PRKCE: variants seen among roughly 807,000 people sequenced by gnomAD.
The protein encoded by PRKCE is protein kinase C epsilon, also known as protein kinase C epsilon type.
In PRKCE, 16 loss-of-function variants were observed where a neutral mutation model predicts 85.4. The ratio of observed to expected loss-of-function variants is 0.19; its 90% CI spans 0.13 to 0.28. PRKCE has a LOEUF of 0.28. Among genes scored for constraint, PRKCE ranks in the 10% least tolerant of loss-of-function variants. The pLI is 1.00. For missense variants in PRKCE, 573 were observed against 975.2 expected (o/e 0.59, Z 5.49); for synonymous variants, 388 against 371.5 (o/e 1.04, Z -0.51).
chr2:45,668,147 C>G (rs1276682795), intron 1 of PRKCE, among the ~76,000 whole-genome samples: 1 of 152,130 alleles, frequency 6.6e-6, no homozygotes, highest in Non-Finnish European at 1.5e-5. Flanking sequence ...TCGAGACCAG[C>G]CTGGCCAACA....
At chr2:45,991,558 G>C (rs1392923417) in intron 6 of PRKCE, among the ~76,000 whole-genome samples, 2 of 152,186 alleles carry the variant, frequency 1.3e-5, no homozygotes, top group Admixed American at 1.3e-4. Context: ...CCACATTGTG[G>C]ATGTTCCGTA....
In PRKCE at chr2:45,958,812, ATATATTTTTTTTTTTTTTTTTT is replaced by A. The variant is rs1266360252; in HGVS notation, c.413-17615_413-17594del. Among the ~76,000 whole-genome samples the A allele has an allele frequency of 8.6e-3, 230 of 26,794 alleles. 11 individuals carry two copies. The East Asian group carries it at 0.092, about 11-fold the overall frequency. The allele number at this position is 26,794 out of a possible 152,430, so 17.6% of individuals were successfully genotyped here. A position where few individuals can be genotyped will look rare whatever the true frequency, so the allele number is the denominator to read the frequency against. On this transcript the variant is annotated intron_variant, in intron 2 of 14. Coordinates refer to ENST00000306156, the MANE Select transcript of PRKCE (RefSeq NM_005400.3). ...AAAACATATATATATATATATATAT[ATATATTTTTTTTTTTTTTTTTT>A]TTTTTTTTTTTTTTTTTTTTTAATA...
At chr2:45,757,179 A>G (rs6715531) in intron 1 of PRKCE, among the ~76,000 whole-genome samples, 42,339 of 151,634 alleles carry the variant, frequency 0.28, 7,051 homozygotes, top group East Asian at 0.5. Flanking sequence ...CAGGTGGTGC[A>G]TGCCTGTAAT....
chr2:45,937,393 A>G (rs531127493), intron 2 of PRKCE, among the ~76,000 whole-genome samples: 1 of 152,238 alleles, frequency 6.6e-6, no homozygotes, highest in South Asian at 2.1e-4. Flanking sequence ...TAGGCCCCAC[A>G]TTTTTGACAA....
intron 5 of PRKCE, among the ~76,000 whole-genome samples, chr2:45,982,871 C>G (rs1703003019): frequency 6.6e-6 from 1 of 152,192 alleles, no homozygotes; most frequent in African/African-American, 2.4e-5. Context: ...ACTTTTTCGC[C>G]TTAGTCTGTC....
intron 10 of PRKCE, among the ~76,000 whole-genome samples, chr2:46,013,410 A>G (rs957668344): frequency 6.6e-6 from 1 of 152,192 alleles, no homozygotes; most frequent in African/African-American, 2.4e-5. Flanking sequence ...TATGTTCTAG[A>G]TGGGAGTATT....
chr2:45,867,504 G>A (rs766701958), intron 2 of PRKCE, among the ~76,000 whole-genome samples: 2 of 152,174 alleles, frequency 1.3e-5, no homozygotes, highest in Admixed American at 6.5e-5. Context: ...CTGCTTATTT[G>A]TAACTGAAAG....
rs3834107 is a variant in PRKCE, at chr2:46,184,434, A to AACACACACACAC, written c.2068-284_2068-273dup. On this transcript the variant is annotated intron_variant, in intron 14 of 14. Transcript: ENST00000306156. This position sits in a 1 kb window ranked among gnomAD's most constrained non-coding sequence, Gnocchi z 5.0. ...GGGACCTTTGCATCATACACACACA[A>AACACACACACAC]ACACACACACACACACACACACACA... Among the ~76,000 whole-genome samples the AACACACACACAC allele has an allele frequency of 3.3e-4, 49 of 149,094 alleles. No individual in the cohort carries two copies. The highest frequency in any genetic ancestry group is 1.2e-3 in the African/African-American group (48 of 40,376).
chr2:46,077,667 T>C lies in PRKCE; in HGVS notation c.1438-8541T>C, dbSNP rs574253029. Among the ~76,000 whole-genome samples, 13 of 152,330 alleles carry C rather than the reference T, an allele frequency of 8.5e-5. No individual in the cohort carries two copies. In the East Asian group the frequency reaches 2.5e-3, roughly 29 times the overall value. Reference sequence around the variant, plus strand: ...TGTGAAAATGACTTTTTAAACATCATTAAGGTGGTTATTTTTGTTATTATT... The same window carrying C: ...TGTGAAAATGACTTTTTAAACATCACTAAGGTGGTTATTTTTGTTATTATT... On this transcript the variant is annotated intron_variant, in intron 10 of 14. Coordinates refer to ENST00000306156, the MANE Select transcript of PRKCE (RefSeq NM_005400.3).
Position 46,020,108 on chromosome 2 carries a change from C to T in PRKCE, c.1437+9591C>T, listed in dbSNP as rs115259207. On this transcript the variant is annotated intron_variant, in intron 10 of 14. Coordinates refer to ENST00000306156, the MANE Select transcript of PRKCE (RefSeq NM_005400.3). ...CAAGTGATCCGCCTGCCTCGGCCTT[C>T]CACAATGCTAGGATTACAGGTGTGA... Among the ~76,000 whole-genome samples the T allele has an allele frequency of 7.0e-3, 1,070 of 152,228 alleles. 19 individuals are homozygous for T. Among genetic ancestry groups the T allele is most frequent in the African/African-American group, 0.025 (1,029 of 41,518 alleles).
At chr2:45,997,407 G>A (rs1704307331) in intron 6 of PRKCE, among the ~76,000 whole-genome samples, 1 of 152,012 alleles carries the variant, frequency 6.6e-6, no homozygotes, top group Non-Finnish European at 1.5e-5. Flanking sequence ...TCCTAAGATA[G>A]AGGCTTAGAT....
At chr2:45,716,832 A>G (rs1212685249) in intron 1 of PRKCE, among the ~76,000 whole-genome samples, 2 of 152,194 alleles carry the variant, frequency 1.3e-5, no homozygotes, top group East Asian at 1.9e-4. Flanking sequence ...GAAACTTACA[A>G]TCATGGCGGA....
At chr2:45,847,367 A>G (rs1028811984) in intron 2 of PRKCE, among the ~76,000 whole-genome samples, 49 of 152,182 alleles carry the variant, frequency 3.2e-4, no homozygotes, top group African/African-American at 1.1e-3. Flanking sequence ...CAGTTTTTCA[A>G]TATCTCTTTT....
chr2:46,060,272 T>G (rs1427912603), intron 10 of PRKCE, among the ~76,000 whole-genome samples: 1 of 152,160 alleles, frequency 6.6e-6, no homozygotes, highest in South Asian at 2.1e-4. Context: ...AAATGTATGA[T>G]TGAGGTAGCA....
At chr2:45,964,037 G>A (rs1290360497) in intron 2 of PRKCE, among the ~76,000 whole-genome samples, 1 of 152,206 alleles carries the variant, frequency 6.6e-6, no homozygotes. Flanking sequence ...CCACTGACTG[G>A]GTGATGTGGA....
At chr2:45,707,712 TG>T (rs530385819) in intron 1 of PRKCE, among the ~76,000 whole-genome samples, 39 of 152,364 alleles carry the variant, frequency 2.6e-4, no homozygotes, top group African/African-American at 9.4e-4. Flanking sequence ...CTCATGTCTG[TG>T]GGACACACAG....
intron 13 of PRKCE, among the ~76,000 whole-genome samples, chr2:46,152,310 T>G (rs1167315629): frequency 6.6e-6 from 1 of 151,646 alleles, no homozygotes; most frequent in African/African-American, 2.4e-5. Flanking sequence ...GCCTCCTGAG[T>G]AGCTGGGATT....
intron 1 of PRKCE, among the ~76,000 whole-genome samples, chr2:45,681,001 C>A (rs1558550350): frequency 6.6e-6 from 1 of 152,148 alleles, no homozygotes; most frequent in Non-Finnish European, 1.5e-5. Context: ...AAAGACATAG[C>A]ATTTTTGGGC....
intron 2 of PRKCE, among the ~76,000 whole-genome samples, chr2:45,881,982 A>C (rs551565168): frequency 1.3e-5 from 2 of 152,226 alleles, no homozygotes; most frequent in Admixed American, 6.5e-5. Flanking sequence ...TGGGTTTATG[A>C]GCTTTCCAAA....
Sources: allele counts gnomAD v4.1 joint callset (sites outside exome capture counted in the v4.1 genomes callset), GRCh38; gene constraint gnomAD v4.1.1; non-coding constraint Gnocchi (gnomAD v3.1); transcripts MANE v1.5; gene names NCBI Gene and HGNC (gene_info 2026-07-23, HGNC 2026-07-21).